Variants in TENM1 observed in about 807,000 individuals in gnomAD.
TENM1 encodes the protein teneurin-1.
In TENM1, 35 loss-of-function variants were observed where a neutral mutation model predicts 174.8. That is an observed-to-expected ratio of 0.20 (90% CI 0.15 to 0.27). TENM1 has a LOEUF of 0.27. Among genes scored for constraint, TENM1 ranks in the 10% least tolerant of loss-of-function variants. The probability of loss-of-function intolerance (pLI) is 1.00; values close to 1 mark genes in which losing one functional copy is unlikely to be tolerated. For missense variants in TENM1, 1,633 were observed against 2,130.1 expected, an observed-to-expected ratio of 0.77 and a Z score of 4.59; for synonymous variants, 781 against 798.7, an observed-to-expected ratio of 0.98 and a Z score of 0.37.
chrX:125,036,738 CG>C, the TENM1 span, among the ~76,000 whole-genome samples: 1 of 111,634 alleles, frequency 9.0e-6, no homozygotes, highest in African/African-American at 3.2e-5. Context: ...TTCTTTTCAG[CG>C]GTACCATCAG....
At chrX:124,382,540 T>A in intron 31 of TENM1, 130 bp downstream of exon 34, 1 of 595,186 alleles carries the variant, frequency 1.7e-6, no homozygotes. Context: ...TTCTCATTAA[T>A]TGTGCACGTT....
At chrX:125,134,409 A>AT in the TENM1 span, among the ~76,000 whole-genome samples, 1 of 112,258 alleles carries the variant, frequency 8.9e-6, no homozygotes, top group African/African-American at 3.2e-5. Flanking sequence ...CCTGAAATGA[A>AT]TCCTGACCAA....
At chrX:124,810,976 A>G (rs1334465052) in intron 3 of TENM1, among the ~76,000 whole-genome samples, 2 of 111,702 alleles carry the variant, frequency 1.8e-5, no homozygotes, top group East Asian at 5.6e-4. Flanking sequence ...AAAGTTGTTA[A>G]GAAATCTGGT....
At chrX:125,172,321 A>ACC in the TENM1 span, among the ~76,000 whole-genome samples, 415 of 99,195 alleles carry the variant, frequency 4.2e-3, 4 homozygotes, top group African/African-American at 0.015. Flanking sequence ...ATTCAACCTC[A>ACC]CCCCCCCCCA....
intron 3 of TENM1, among the ~76,000 whole-genome samples, chrX:124,859,499 G>A (rs2056872924): frequency 9.5e-6 from 1 of 104,769 alleles, no homozygotes; most frequent in Non-Finnish European, 2.0e-5. Flanking sequence ...AGCCAAGATA[G>A]TGCCACTGCA....
intron 22 of TENM1, among the ~76,000 whole-genome samples, chrX:124,462,710 A>G (rs990966722): frequency 9.0e-6 from 1 of 111,679 alleles, no homozygotes; most frequent in Admixed American, 9.6e-5. Context: ...TTTTAGAATT[A>G]GTTTTTATAT....
chrX:124,892,280 A>G (rs1872119451), intron 3 of TENM1, among the ~76,000 whole-genome samples: 1 of 111,732 alleles, frequency 8.9e-6, no homozygotes, highest in African/African-American at 3.3e-5. Flanking sequence ...CCCCTGTGAA[A>G]GGCTCCAGAT....
At chrX:125,031,709 T>A in the TENM1 span, among the ~76,000 whole-genome samples, 6 of 112,047 alleles carry the variant, frequency 5.4e-5, no homozygotes, top group Middle Eastern at 9.2e-3. Context: ...ATTGCTCCTC[T>A]GTGAACTTCA....
chrX:124,608,034 G>C (rs928221061), intron 11 of TENM1, among the ~76,000 whole-genome samples: 1 of 111,208 alleles, frequency 9.0e-6, no homozygotes, highest in Non-Finnish European at 1.9e-5. Flanking sequence ...AGAGTGGCAA[G>C]TATAAGGAGG....
At chrX:124,384,237 T>C in exon 30 of TENM1, 16 of 1,210,465 alleles carry the variant, frequency 1.3e-5, no homozygotes, top group Non-Finnish European at 1.8e-5. Context: ...TATTCAAAAA[T>C]ATCATTTCCC....
At chrX:124,406,015 A>G (rs1029783756) in intron 26 of TENM1, among the ~76,000 whole-genome samples, 1 of 105,441 alleles carries the variant, frequency 9.5e-6, no homozygotes, top group African/African-American at 3.5e-5. Context: ...TTTATTTAAT[A>G]TAACCTAGCC....
At chrX:125,158,287 C>T in the TENM1 span, among the ~76,000 whole-genome samples, 1 of 107,230 alleles carries the variant, frequency 9.3e-6, no homozygotes, top group South Asian at 4.3e-4. Flanking sequence ...CCTGTAGTCC[C>T]AGCTACTCGG....
intron 3 of TENM1, among the ~76,000 whole-genome samples, chrX:124,739,266 A>G (rs2053747227): frequency 8.9e-6 from 1 of 112,170 alleles, no homozygotes; most frequent in Non-Finnish European, 1.9e-5. Context: ...GTGCTTGAGC[A>G]TGCATTTTAT....
chrX:124,663,345 C>T (rs1334130347), intron 6 of TENM1, among the ~76,000 whole-genome samples: 2 of 111,632 alleles, frequency 1.8e-5, no homozygotes, highest in Admixed American at 9.5e-5. Context: ...AAAAGTTACA[C>T]GCAGGAAAAA....
At chrX:125,069,987 G>A in the TENM1 span, among the ~76,000 whole-genome samples, 3 of 109,575 alleles carry the variant, frequency 2.7e-5, no homozygotes, top group Non-Finnish European at 3.8e-5. Flanking sequence ...CCAGGAGTTC[G>A]AGACCAGCCT....
At chrX:124,445,570 A>G (rs1457415253) in intron 23 of TENM1, among the ~76,000 whole-genome samples, 1 of 112,288 alleles carries the variant, frequency 8.9e-6, no homozygotes, top group Admixed American at 9.4e-5. Context: ...GCTGTTGGAA[A>G]CCAGTGGGAA....
At chrX:124,844,092 A>C (rs1341040194) in intron 3 of TENM1, among the ~76,000 whole-genome samples, 2 of 111,143 alleles carry the variant, frequency 1.8e-5, no homozygotes, top group African/African-American at 6.6e-5. Flanking sequence ...ACTTTATGTA[A>C]GAGACTCATC....
chrX:124,413,399 C>G (rs1430382403), intron 25 of TENM1, among the ~76,000 whole-genome samples: 1 of 110,299 alleles, frequency 9.1e-6, no homozygotes, highest in East Asian at 2.8e-4. Context: ...ACTCCATGTA[C>G]TTGTTGAATG....
At chrX:125,084,796 T>C in the TENM1 span, among the ~76,000 whole-genome samples, 1 of 111,074 alleles carries the variant, frequency 9.0e-6, no homozygotes, top group Non-Finnish European at 1.9e-5. Flanking sequence ...ATCTACATTG[T>C]ACCTCCCCGA....
Sources: allele counts gnomAD v4.1 joint callset (sites outside exome capture counted in the v4.1 genomes callset), GRCh38; gene constraint gnomAD v4.1.1; transcripts MANE v1.5; gene names NCBI Gene and HGNC (gene_info 2026-07-23, HGNC 2026-07-21).